Variants in CHST3 observed in about 807,000 individuals in gnomAD.
CHST3 encodes the protein C6ST-1.
In CHST3, 20 loss-of-function variants were observed where a neutral mutation model predicts 35.4. The ratio of observed to expected loss-of-function variants is 0.57; its 90% CI spans 0.40 to 0.82. CHST3 has a LOEUF of 0.82. Among genes scored for constraint, CHST3 ranks in the 40% least tolerant of loss-of-function variants. The pLI is 0.00. For missense variants in CHST3, 693 were observed against 670.1 expected (o/e 1.03, Z -0.38); for synonymous variants, 334 against 295.9 (o/e 1.13, Z -1.32).
intron 1 of CHST3, among the ~76,000 whole-genome samples, chr10:71,982,305 A>G (rs1345552563): frequency 6.6e-6 from 1 of 152,212 alleles, no homozygotes; most frequent in Non-Finnish European, 1.5e-5. Context: ...AGATGGAGGA[A>G]GGGGGCATGA....
In CHST3 at chr10:72,013,303, T is replaced by C. The variant is rs1840131697; in HGVS notation, c.*4832T>C. 6.6e-6 allele frequency: 1 copy of C among 152,240 alleles called. No homozygotes were observed. The highest frequency in any genetic ancestry group is 1.9e-4 in the East Asian group (1 of 5,196). 9.4% of individuals were successfully genotyped at this position (152,240 alleles called of 1,614,324 possible). A position where few individuals can be genotyped will look rare whatever the true frequency, so the allele number is the denominator to read the frequency against. ...ACATATGCATCCACGTGTGTGTATG[T>C]GTAGCATGTAGCTCATTCTGCTCAG... On this transcript the variant is annotated 3_prime_UTR_variant, in exon 3 of 3. Coordinates refer to ENST00000373115, the MANE Select transcript of CHST3 (RefSeq NM_004273.5).
At chr10:72,001,582 T>C (rs1839994065) in intron 1 of CHST3, among the ~76,000 whole-genome samples, 1 of 152,052 alleles carries the variant, frequency 6.6e-6, no homozygotes, top group African/African-American at 2.4e-5. Context: ...CAAGCAATTC[T>C]CCTGCCTCCG....
chr10:71,998,136 C>G (rs1320737043), intron 1 of CHST3, among the ~76,000 whole-genome samples: 1 of 151,996 alleles, frequency 6.6e-6, no homozygotes, highest in Non-Finnish European at 1.5e-5. Context: ...GCGACCCTGT[C>G]CCCCCCAAAA....
chr10:72,005,777 G>C lies in CHST3; in HGVS notation c.-66G>C. 6.2e-7 allele frequency: 1 copy of C among 1,609,940 alleles called. No homozygotes were observed. Among genetic ancestry groups the C allele is most frequent in the Non-Finnish European group, 8.5e-7 (1 of 1,177,130 alleles). Reference sequence around the variant, plus strand: ...ACCTGAAGACGGCAAGCTGGGTCCTGAGTGATGCCCCTCAGCTGAGTGTCC... The same window carrying C: ...ACCTGAAGACGGCAAGCTGGGTCCTCAGTGATGCCCCTCAGCTGAGTGTCC... On this transcript the variant is annotated 5_prime_UTR_variant, in exon 2 of 3. Coordinates refer to ENST00000373115, the MANE Select transcript of CHST3 (RefSeq NM_004273.5).
At chr10:71,995,792 A>G (rs1349092792) in intron 1 of CHST3, among the ~76,000 whole-genome samples, 1 of 152,238 alleles carries the variant, frequency 6.6e-6, no homozygotes, top group Non-Finnish European at 1.5e-5. Flanking sequence ...AACACTTACA[A>G]TAGTAACATC....
chr10:71,965,885 G>C (rs548077788), intron 1 of CHST3, among the ~76,000 whole-genome samples: 1 of 152,146 alleles, frequency 6.6e-6, no homozygotes, highest in Non-Finnish European at 1.5e-5. Context: ...ACTGTGTCCC[G>C]TGGGCTGGCC....
intron 1 of CHST3, among the ~76,000 whole-genome samples, chr10:71,966,046 A>G (rs1839629344): frequency 6.6e-6 from 1 of 152,098 alleles, no homozygotes. Flanking sequence ...ATTGAAGAAT[A>G]ACTTTAGATC....
chr10:71,967,975 A>ATTTTATTTTTTT, intron 1 of CHST3, among the ~76,000 whole-genome samples: 1 of 142,088 alleles, frequency 7.0e-6, no homozygotes, highest in South Asian at 2.3e-4. Context: ...TGCGTGGCTA[A>ATTTTATTTTTTT]TTTTTTTTTT....
chr10:71,984,235 C>CT (rs1443205644), intron 1 of CHST3, among the ~76,000 whole-genome samples: 3 of 152,202 alleles, frequency 2.0e-5, no homozygotes, highest in African/African-American at 7.2e-5. Flanking sequence ...GTTGTCCAGG[C>CT]TGGGTTCGAA....
rs563761692 is a variant in CHST3, at chr10:72,007,413, G to T, written c.382G>T (p.Val128Leu). 4.5e-5 allele frequency: 72 copies of T among 1,605,338 alleles called. No homozygotes were observed. The highest frequency in any genetic ancestry group is 4.6e-5 in the Non-Finnish European group (54 of 1,178,796). Residue 128 changes from valine (V) to leucine (L), a missense_variant, in exon 3 of 3, where the codon GTG (valine) becomes TTG (leucine). Coordinates refer to ENST00000373115, the MANE Select transcript of CHST3 (RefSeq NM_004273.5). ...GGAGGAGGAGCCGCCCAGACCGGCC[G>T]TGGCGGGGCCCCGGCGCCACGTGCT... is the stretch of plus-strand genomic sequence containing the variant. ...RKEEEPPRPA[V>L]AGPRRHVLLM...
At chr10:71,970,212 T>G (rs1839677640) in intron 1 of CHST3, among the ~76,000 whole-genome samples, 1 of 152,006 alleles carries the variant, frequency 6.6e-6, no homozygotes, top group African/African-American at 2.4e-5. Context: ...CACCAGTGAC[T>G]TCTTGTCTCC....
intron 1 of CHST3, among the ~76,000 whole-genome samples, chr10:71,995,946 G>A (rs576357098): frequency 1.3e-5 from 2 of 152,310 alleles, no homozygotes; most frequent in South Asian, 4.1e-4. Flanking sequence ...ACTTGCTCAA[G>A]ACAGGGTTGC....
chr10:72,008,500 C>G lies in CHST3; in HGVS notation c.*29C>G. ...GGCCGGGGCCCCGTATGCCCCTCCT[C>G]GTGAAAGGCCTGCCCCGTCTTTCTG... On this transcript the variant is annotated 3_prime_UTR_variant, in exon 3 of 3. Transcript: ENST00000373115. The G allele has an allele frequency of 6.7e-7, 1 of 1,485,378 alleles. No individual in the cohort carries two copies. The highest frequency in any genetic ancestry group is 1.4e-5 in the South Asian group (1 of 73,498). The allele number at this position is 1,485,378 out of a possible 1,614,324, so 92.0% of individuals were successfully genotyped here. A position where few individuals can be genotyped will look rare whatever the true frequency, so the allele number is the denominator to read the frequency against.
intron 1 of CHST3, among the ~76,000 whole-genome samples, chr10:71,973,065 A>G (rs1185075746): frequency 6.6e-6 from 1 of 152,220 alleles, no homozygotes; most frequent in Non-Finnish European, 1.5e-5. Flanking sequence ...CTGATGTGGC[A>G]CAGAGCCCTC....
At chr10:71,977,725 A>G (rs1839760466) in intron 1 of CHST3, among the ~76,000 whole-genome samples, 1 of 152,050 alleles carries the variant, frequency 6.6e-6, no homozygotes, top group Non-Finnish European at 1.5e-5. Flanking sequence ...GTTTGAGTGC[A>G]GTGGCGTGAT....
intron 1 of CHST3, among the ~76,000 whole-genome samples, chr10:71,981,972 A>C (rs1037727766): frequency 6.6e-6 from 1 of 152,228 alleles, no homozygotes; most frequent in Non-Finnish European, 1.5e-5. Context: ...ACTGGCCTCC[A>C]GTCTGTCAGA....
intron 2 of CHST3, 82 bp downstream of exon 2, chr10:72,006,064 T>C: frequency 6.5e-7 from 1 of 1,546,856 alleles, no homozygotes; most frequent in South Asian, 1.1e-5. Flanking sequence ...GGGCTCTCTG[T>C]GGACCTGCAA....
Position 72,011,557 on chromosome 10 carries a change from A to G in CHST3, c.*3086A>G, listed in dbSNP as rs1840110591. The G allele has an allele frequency of 1.3e-5, 2 of 152,196 alleles. No individual in the cohort carries two copies. Among genetic ancestry groups the G allele is most frequent in the African/African-American group, 4.8e-5 (2 of 41,434 alleles). 9.4% of individuals were successfully genotyped at this position (152,196 alleles called of 1,614,324 possible). A position where few individuals can be genotyped will look rare whatever the true frequency, so the allele number is the denominator to read the frequency against. On this transcript the variant is annotated 3_prime_UTR_variant, in exon 3 of 3. Coordinates refer to ENST00000373115, the MANE Select transcript of CHST3 (RefSeq NM_004273.5). The stretch of plus-strand genomic sequence containing the variant: ...CCAGCCCTGGCTTCTCCTCTGTTCC[A>G]GCTTGTCTGCCAGAAGCCTTCCCCT...
chr10:71,967,460 A>C (rs2131734559), intron 1 of CHST3, among the ~76,000 whole-genome samples: 1 of 152,304 alleles, frequency 6.6e-6, no homozygotes, highest in South Asian at 2.1e-4. Flanking sequence ...TTTGCTTAGG[A>C]TAATAGCCGC....
Sources: allele counts gnomAD v4.1 joint callset (sites outside exome capture counted in the v4.1 genomes callset), GRCh38; gene constraint gnomAD v4.1.1; transcripts MANE v1.5; gene names NCBI Gene and HGNC (gene_info 2026-07-23, HGNC 2026-07-21).